Variants in MTUS2 observed in about 807,000 individuals in gnomAD.
MTUS2 encodes microtubule associated scaffold protein 2.
MTUS2 carries 40 observed loss-of-function variants against 114.1 expected under a neutral mutation model. That is an observed-to-expected ratio of 0.35 (90% CI 0.27 to 0.46). MTUS2 has a LOEUF of 0.46. MTUS2 is among the 20% of genes least tolerant of loss of function. The pLI, the probability that MTUS2 is intolerant of heterozygous loss-of-function variation, is 1.00. For missense variants in MTUS2, 1,679 were observed against 1,705.4 expected (o/e 0.98, Z 0.27); for synonymous variants, 688 against 672.0 (o/e 1.02, Z -0.37).
At chr13:29,378,176 G>T (rs1435387490) in intron 8 of MTUS2, among the ~76,000 whole-genome samples, 1 of 152,056 alleles carries the variant, frequency 6.6e-6, no homozygotes, top group Non-Finnish European at 1.5e-5. Flanking sequence ...TCTGATTTTG[G>T]TGTTATTTAT....
At chr13:29,386,981 A>G (rs377058816) in intron 8 of MTUS2, among the ~76,000 whole-genome samples, 1 of 152,190 alleles carries the variant, frequency 6.6e-6, no homozygotes, top group East Asian at 1.9e-4. Context: ...TTAAAAGTAT[A>G]AAGGCCCAGA....
chr13:29,455,623 C>T (rs1879047473), intron 9 of MTUS2, among the ~76,000 whole-genome samples: 1 of 152,110 alleles, frequency 6.6e-6, no homozygotes, highest in Non-Finnish European at 1.5e-5. Context: ...GTTGAGCATG[C>T]ATAAACAAAA....
At chr13:28,965,161 G>A (rs1051336168) in intron 2 of MTUS2, among the ~76,000 whole-genome samples, 1 of 152,142 alleles carries the variant, frequency 6.6e-6, no homozygotes, top group African/African-American at 2.4e-5. Context: ...CCTGCCAGTG[G>A]CACATTTCTT....
chr13:29,431,005 A>T (rs1876954587), intron 8 of MTUS2, among the ~76,000 whole-genome samples: 1 of 152,254 alleles, frequency 6.6e-6, no homozygotes, highest in Non-Finnish European at 1.5e-5. Flanking sequence ...TCTCCTCAGA[A>T]CTTCATATAG....
intron 2 of MTUS2, among the ~76,000 whole-genome samples, chr13:28,889,881 T>C (rs1478673836): frequency 6.6e-6 from 1 of 152,124 alleles, no homozygotes; most frequent in Non-Finnish European, 1.5e-5. Context: ...GCAGATCTGT[T>C]CCACTGTAAT....
intron 8 of MTUS2, among the ~76,000 whole-genome samples, chr13:29,389,536 C>CACAT (rs144258551): frequency 1.3e-5 from 1 of 77,682 alleles, no homozygotes; most frequent in Non-Finnish European, 2.5e-5. Context: ...TATGTATACA[C>CACAT]GTGTGTATAT....
intron 2 of MTUS2, among the ~76,000 whole-genome samples, chr13:28,932,009 G>A (rs1292958714): frequency 6.6e-6 from 1 of 152,086 alleles, no homozygotes; most frequent in Non-Finnish European, 1.5e-5. Context: ...AGTACTGCAG[G>A]TCACCTCTGT....
intron 7 of MTUS2, among the ~76,000 whole-genome samples, chr13:29,353,127 G>A (rs575436140): frequency 1.3e-5 from 2 of 152,244 alleles, no homozygotes; most frequent in South Asian, 4.1e-4. Flanking sequence ...TTTTTTAGAT[G>A]ACAGGCATTA....
intron 3 of MTUS2, among the ~76,000 whole-genome samples, chr13:29,032,620 A>G: frequency 6.6e-6 from 1 of 152,216 alleles, no homozygotes; most frequent in East Asian, 1.9e-4. Flanking sequence ...AGTCATGCAT[A>G]TTTTACAGTG....
chr13:28,985,037 CT>C (rs1472586565), intron 2 of MTUS2, among the ~76,000 whole-genome samples: 2 of 152,112 alleles, frequency 1.3e-5, no homozygotes, highest in Non-Finnish European at 2.9e-5. Flanking sequence ...AAATGTGTGG[CT>C]TTTATTTTGG....
In MTUS2 at chr13:29,471,392, G is replaced by A. The variant is rs550035863; in HGVS notation, c.3185-8758G>A. Among the ~76,000 whole-genome samples, 138 of 151,964 alleles carry A rather than the reference G, an allele frequency of 9.1e-4. 6 individuals carry two copies. In the South Asian group the frequency reaches 0.026, roughly 28 times the overall value. ...TGAAATTTTGCTTCCTACATTTTTT[G>A]CTCATTTGTTTGCCCGCCATGACAG... is the stretch of plus-strand genomic sequence containing the variant. On this transcript the variant is annotated intron_variant, in intron 9 of 15. Coordinates refer to ENST00000612955, the MANE Select transcript of MTUS2 (RefSeq NM_001033602.4).
chr13:29,310,163 A>G (rs996745312), intron 6 of MTUS2, among the ~76,000 whole-genome samples: 1 of 152,174 alleles, frequency 6.6e-6, no homozygotes, highest in African/African-American at 2.4e-5. Flanking sequence ...CTTAATCCAC[A>G]GTCCCATTTT....
intron 5 of MTUS2, among the ~76,000 whole-genome samples, chr13:29,275,500 A>G (rs1317577434): frequency 6.6e-6 from 1 of 151,834 alleles, no homozygotes; most frequent in Non-Finnish European, 1.5e-5. Flanking sequence ...AACCATCCCT[A>G]CTCCCTCTGC....
At chr13:29,126,842 T>C (rs559482967) in intron 5 of MTUS2, among the ~76,000 whole-genome samples, 27 of 152,320 alleles carry the variant, frequency 1.8e-4, no homozygotes, top group African/African-American at 6.5e-4. Context: ...CACTGGCCAC[T>C]TTGTACACCA....
intron 8 of MTUS2, among the ~76,000 whole-genome samples, chr13:29,431,823 G>A (rs534721160): frequency 5.3e-5 from 8 of 152,048 alleles, no homozygotes; most frequent in African/African-American, 1.7e-4. Flanking sequence ...CCAGACCCAG[G>A]TTTTTTGTTG....
At chr13:28,915,112 G>T (rs1352977179) in intron 2 of MTUS2, among the ~76,000 whole-genome samples, 2 of 151,848 alleles carry the variant, frequency 1.3e-5, no homozygotes, top group African/African-American at 4.8e-5. Flanking sequence ...ATTGTTATGT[G>T]TGAATTGAGG....
intron 4 of MTUS2, among the ~76,000 whole-genome samples, chr13:29,081,495 A>C (rs1226561746): frequency 6.6e-6 from 1 of 152,022 alleles, no homozygotes; most frequent in Non-Finnish European, 1.5e-5. Context: ...TCCCTTGTTC[A>C]AGAGCCCAGC....
At chr13:29,230,736 T>C (rs1896290778) in intron 5 of MTUS2, among the ~76,000 whole-genome samples, 1 of 152,194 alleles carries the variant, frequency 6.6e-6, no homozygotes, top group South Asian at 2.1e-4. Flanking sequence ...AGGACTAGAG[T>C]GCAGGCCTTT....
rs1486424641 is a variant in MTUS2 at position 29,025,402 on chromosome 13, C to T, written c.704C>T (p.Thr235Ile). The change falls in exon 3 of 16, where the codon ACC becomes ATC. Residue 235 changes from threonine (T) to isoleucine (I), a missense_variant. Coordinates refer to ENST00000612955, the MANE Select transcript of MTUS2 (RefSeq NM_001033602.4). ...GCAGCTTTCCCTGCAACTGACAGTA[C>T]CTCAGAGGGAAAGAGTGTGCGTCAT... Reference protein sequence around the residue: ...VPAAFPATDSTSEGKSVRHPK... With the variant: ...VPAAFPATDSISEGKSVRHPK... 6.2e-7 allele frequency: 1 copy of T among 1,613,856 alleles called. No homozygotes were observed. The highest frequency in any genetic ancestry group is 8.5e-7 in the Non-Finnish European group (1 of 1,179,870).
Sources: allele counts gnomAD v4.1 joint callset (sites outside exome capture counted in the v4.1 genomes callset), GRCh38; gene constraint gnomAD v4.1.1; transcripts MANE v1.5; gene names NCBI Gene and HGNC (gene_info 2026-07-23, HGNC 2026-07-21).